The following PRELID3A variants were observed in gnomAD, a reference collection of about 807,000 sequenced individuals.
PRELID3A encodes the protein PRELI domain containing 3A.
In PRELID3A, 27 loss-of-function variants were observed where a neutral mutation model predicts 23.0. The observed-to-expected ratio is 1.17, with a 90% CI of 0.87 to 1.62. The LOEUF is 1.62. Ranked by LOEUF, PRELID3A falls within the 40% of genes most tolerant of loss-of-function variation. The probability of loss-of-function intolerance (pLI) is 0.00; values close to 1 mark genes in which losing one functional copy is unlikely to be tolerated. For synonymous variants in PRELID3A, 87 were observed against 86.4 expected (o/e 1.01, Z -0.04); for missense variants, 231 against 231.4 (o/e 1.00, Z 0.01).
At chr18:12,415,945 G>T (rs1417877301) in intron 1 of PRELID3A, among the ~76,000 whole-genome samples, 2 of 152,202 alleles carry the variant, frequency 1.3e-5, no homozygotes, top group Non-Finnish European at 1.5e-5. Flanking sequence ...TCTTGCCCTT[G>T]GGGGATAGGA....
At chr18:12,422,870 C>T (rs1014930135) in intron 3 of PRELID3A, among the ~76,000 whole-genome samples, 5 of 152,218 alleles carry the variant, frequency 3.3e-5, no homozygotes, top group Non-Finnish European at 2.9e-5. Context: ...TCTGGCCTCA[C>T]TTTTCTGTCC....
rs182845381 is a variant in PRELID3A at position 12,414,840 on chromosome 18, A to G, written c.33-5485A>G. On this transcript the variant is annotated intron_variant, in intron 1 of 6. Coordinates refer to ENST00000440960, the MANE Select transcript of PRELID3A (RefSeq NM_001142405.2). Reference sequence around the variant, plus strand: ...TTGGAGCCACCAGGGTGTGTGGCCCAAATGCTAAGGAGCAGCTGATGGAGG... The same window carrying G: ...TTGGAGCCACCAGGGTGTGTGGCCCGAATGCTAAGGAGCAGCTGATGGAGG... 3.5e-3 allele frequency among the ~76,000 whole-genome samples: 523 copies of G among 151,576 alleles called. 1 individual carries two copies. The highest frequency in any genetic ancestry group is 5.8e-3 in the Non-Finnish European group (393 of 67,932).
At chr18:12,410,337 A>G (rs765859823) in intron 1 of PRELID3A, among the ~76,000 whole-genome samples, 3 of 152,232 alleles carry the variant, frequency 2.0e-5, no homozygotes, top group African/African-American at 4.8e-5. Context: ...GCTGCTGTGG[A>G]CTAGGTGCTG....
Position 12,427,289 on chromosome 18 carries a change from T to A in PRELID3A, c.431T>A (p.Leu144Ter). ...AGCCTTGGTAGTTATTTGGAAAGTT[T>A]AATGGCCAATACGATATCATCCAAT... The part of the protein sequence containing the change: ...GISLGSYLES[L>*]MANTISSNAK... Residue 144 changes from leucine (L) to a stop codon, truncating the protein, a stop_gained, in exon 5 of 7, where the codon TTA (leucine) becomes TAA (stop). Coordinates refer to ENST00000440960, the MANE Select transcript of PRELID3A (RefSeq NM_001142405.2). LOFTEE classifies it high-confidence loss of function. 6.2e-7 allele frequency: 1 copy of A among 1,613,736 alleles called. No homozygotes were observed. Among genetic ancestry groups the A allele is most frequent in the Non-Finnish European group, 8.5e-7 (1 of 1,179,594 alleles).
intron 1 of PRELID3A, among the ~76,000 whole-genome samples, chr18:12,410,529 G>C (rs1909873565): frequency 6.6e-6 from 1 of 152,180 alleles, no homozygotes; most frequent in African/African-American, 2.4e-5. Flanking sequence ...CAAATTGGAA[G>C]TCTGGCTTCC....
intron 1 of PRELID3A, among the ~76,000 whole-genome samples, chr18:12,408,558 C>T (rs1280074055): frequency 6.6e-6 from 1 of 152,168 alleles, no homozygotes; most frequent in Non-Finnish European, 1.5e-5. Flanking sequence ...GCATGGAAGG[C>T]CTCCAAGCTA....
intron 2 of PRELID3A, 151 bp downstream of exon 2, chr18:12,420,644 A>C: frequency 5.4e-6 from 2 of 370,978 alleles, no homozygotes; most frequent in Non-Finnish European, 3.6e-6. Flanking sequence ...TCCTGAGATC[A>C]GGGGGCGCGG....
chr18:12,431,580 A>C lies in PRELID3A; in HGVS notation c.*464A>C. 1 of 148,448 alleles carries C rather than the reference A, an allele frequency of 6.7e-6. No individual in the cohort carries two copies. The highest frequency in any genetic ancestry group is 1.5e-5 in the Non-Finnish European group (1 of 67,960). 9.2% of individuals were successfully genotyped at this position (148,448 alleles called of 1,614,324 possible). On this transcript the variant is annotated 3_prime_UTR_variant, in exon 7 of 7. Coordinates refer to ENST00000440960, the MANE Select transcript of PRELID3A (RefSeq NM_001142405.2). ...CGTCCCCTCGGTCCTGCAGATCACC[A>C]AGCAGCTCTCCTGGGCCCGCGGCTG... is the stretch of plus-strand genomic sequence containing the variant.
intron 1 of PRELID3A, chr18:12,419,943 T>G: frequency 4.8e-6 from 1 of 207,108 alleles, no homozygotes; most frequent in East Asian, 1.2e-4. Context: ...AAAAAAGTCA[T>G]TCAGGTTTGG....
chr18:12,408,024 G>A lies in PRELID3A; in HGVS notation c.32+17G>A. The A allele has an allele frequency of 7.9e-7, 1 of 1,263,782 alleles. No homozygotes were observed. The highest frequency in any genetic ancestry group is 1.0e-6 in the Non-Finnish European group (1 of 1,004,690). The allele number at this position is 1,263,782 out of a possible 1,614,324, so 78.3% of individuals were successfully genotyped here. On this transcript the variant is annotated intron_variant, in intron 1 of 6. Transcript: ENST00000440960. ...CGTGTTTGGGTGAGGCCGGGCTGAG[G>A]GCCGCGGTGGGGCCGTCCAGACGCC...
At chr18:12,411,330 G>C (rs1383771963) in intron 1 of PRELID3A, among the ~76,000 whole-genome samples, 16 of 151,730 alleles carry the variant, frequency 1.1e-4, no homozygotes, top group Admixed American at 1.1e-3. Context: ...GCTGGGCGTG[G>C]TGGCGGGTGC....
At chr18:12,429,800 A>G (rs1446429736) in intron 6 of PRELID3A, among the ~76,000 whole-genome samples, 1 of 152,204 alleles carries the variant, frequency 6.6e-6, no homozygotes, top group Admixed American at 6.5e-5. Context: ...CTTTGGGTGC[A>G]TCTGCATCTG....
intron 3 of PRELID3A, among the ~76,000 whole-genome samples, chr18:12,424,891 T>C (rs1598863200): frequency 6.6e-6 from 1 of 152,148 alleles, no homozygotes; most frequent in East Asian, 1.9e-4. Context: ...CCCAGCACTT[T>C]GGGAGGCTGA....
At chr18:12,409,159 GTTTTTTT>G (rs71371255) in intron 1 of PRELID3A, among the ~76,000 whole-genome samples, 5 of 66,482 alleles carry the variant, frequency 7.5e-5, no homozygotes, top group South Asian at 7.2e-4. Flanking sequence ...CCCAGGCTGG[GTTTTTTT>G]TTTTTTTTTT....
intron 3 of PRELID3A, among the ~76,000 whole-genome samples, chr18:12,422,547 G>A (rs1157255275): frequency 6.6e-6 from 1 of 151,738 alleles, no homozygotes; most frequent in Non-Finnish European, 1.5e-5. Flanking sequence ...TTAGTAAACA[G>A]GAGGTTTCAC....
intron 1 of PRELID3A, among the ~76,000 whole-genome samples, chr18:12,413,906 A>C (rs1298244527): frequency 6.6e-6 from 1 of 152,148 alleles, no homozygotes; most frequent in African/African-American, 2.4e-5. Flanking sequence ...TAAAGCTCAA[A>C]TTTTATCTTT....
At chr18:12,424,206 A>G (rs2030284554) in intron 3 of PRELID3A, among the ~76,000 whole-genome samples, 1 of 152,208 alleles carries the variant, frequency 6.6e-6, no homozygotes, top group African/African-American at 2.4e-5. Context: ...ATATTTACTT[A>G]TGAAATTCCA....
chr18:12,413,553 C>T (rs929550742), intron 1 of PRELID3A, among the ~76,000 whole-genome samples: 3 of 152,168 alleles, frequency 2.0e-5, no homozygotes, highest in African/African-American at 7.2e-5. Context: ...GTAGCAGATA[C>T]AAGTTTTCTG....
At chr18:12,420,788 G>C (rs1392588577) in intron 2 of PRELID3A, among the ~76,000 whole-genome samples, 2 of 119,338 alleles carry the variant, frequency 1.7e-5, no homozygotes. Flanking sequence ...CGAGATCGGG[G>C]GTCACGGGGT....
Sources: allele counts gnomAD v4.1 joint callset (sites outside exome capture counted in the v4.1 genomes callset), GRCh38; gene constraint gnomAD v4.1.1; transcripts MANE v1.5; gene names NCBI Gene and HGNC (gene_info 2026-07-23, HGNC 2026-07-21).